The following GPHN variants were observed in gnomAD, a reference collection of about 807,000 sequenced individuals.
The protein encoded by GPHN is gephyrin.
GPHN carries 17 observed loss-of-function variants against 95.5 expected under a neutral mutation model. The ratio of observed to expected loss-of-function variants is 0.18; its 90% CI spans 0.12 to 0.27. The LOEUF is 0.27. Ranked by LOEUF, GPHN falls within the 10% of genes least tolerant of loss-of-function variation. GPHN has a pLI of 1.00. For missense variants in GPHN, 660 were observed against 978.1 expected (o/e 0.67, Z 4.34); for synonymous variants, 320 against 322.5 (o/e 0.99, Z 0.08).
intron 1 of GPHN, among the ~76,000 whole-genome samples, chr14:66,661,307 G>T (rs1357518334): frequency 6.6e-6 from 1 of 152,164 alleles, no homozygotes; most frequent in East Asian, 1.9e-4. Context: ...TTGCTGCTTG[G>T]ATAACTCAGC....
At chr14:66,938,350 G>A (rs1204555523) in intron 8 of GPHN, among the ~76,000 whole-genome samples, 1 of 152,022 alleles carries the variant, frequency 6.6e-6, no homozygotes, top group African/African-American at 2.4e-5. Flanking sequence ...TTAAAAAGAA[G>A]AAAAAGAGCT....
chr14:66,524,121 T>C (rs2058589856), intron 1 of GPHN, among the ~76,000 whole-genome samples: 1 of 152,150 alleles, frequency 6.6e-6, no homozygotes, highest in Admixed American at 6.6e-5. Context: ...CACATACATA[T>C]ATGTGGGTAC....
chr14:67,531,631 G>T, the GPHN span, among the ~76,000 whole-genome samples: 1 of 151,594 alleles, frequency 6.6e-6, no homozygotes, highest in African/African-American at 2.4e-5. Flanking sequence ...AATGAGTTCT[G>T]GGCCGAGGTG....
chr14:66,861,714 G>A (rs111953764), intron 4 of GPHN, among the ~76,000 whole-genome samples: 3,454 of 152,066 alleles, frequency 0.023, 53 homozygotes, highest in African/African-American at 0.04. Flanking sequence ...ATACAAACAC[G>A]TGGAAATTAA....
At chr14:67,679,213 C>T in the GPHN span, among the ~76,000 whole-genome samples, 10 of 152,086 alleles carry the variant, frequency 6.6e-5, no homozygotes, top group South Asian at 4.1e-4. Flanking sequence ...ATAATGAACC[C>T]GTTCCAGAGA....
intron 18 of GPHN, among the ~76,000 whole-genome samples, chr14:67,158,244 A>T (rs8005981): frequency 0.32 from 46,909 of 148,414 alleles, 11,545 homozygotes; most frequent in African/African-American, 0.67. Context: ...GAGGAGGAGG[A>T]TGCAGTGAGC....
the GPHN span, among the ~76,000 whole-genome samples, chr14:67,444,338 G>C: frequency 6.6e-6 from 1 of 152,192 alleles, no homozygotes; most frequent in African/African-American, 2.4e-5. Context: ...GGAGTTCACA[G>C]AAAGGAGCAT....
chr14:67,317,562 A>G, the GPHN span: 1 of 858,384 alleles, frequency 1.2e-6, no homozygotes, highest in Non-Finnish European at 1.8e-6. Context: ...AATGTTAAAT[A>G]TGTGCTTGAG....
At chr14:66,533,191 T>C (rs909679280) in intron 1 of GPHN, among the ~76,000 whole-genome samples, 3 of 152,260 alleles carry the variant, frequency 2.0e-5, no homozygotes, top group African/African-American at 4.8e-5. Flanking sequence ...ATTGTTCTAC[T>C]GGTGTGTAAG....
the GPHN span, among the ~76,000 whole-genome samples, chr14:67,235,053 G>A: frequency 6.6e-6 from 1 of 151,898 alleles, no homozygotes; most frequent in Non-Finnish European, 1.5e-5. Flanking sequence ...CTACTAGGGA[G>A]GCTGAGGCAG....
chr14:67,118,151 G>T (rs1380856799), intron 16 of GPHN, among the ~76,000 whole-genome samples: 2 of 152,168 alleles, frequency 1.3e-5, no homozygotes, highest in East Asian at 3.8e-4. Context: ...GAAAAAAAGA[G>T]AAGTTAGTTA....
Position 66,548,426 on chromosome 14 carries a change from C to G in GPHN, c.64+39835C>G, listed in dbSNP as rs113338657. Reference sequence around the variant, plus strand: ...GAACTCCTGACCTCAGATGATCCACCTGCCTCAGCCTCCCAAAGTGCTGGG... The same window carrying G: ...GAACTCCTGACCTCAGATGATCCACGTGCCTCAGCCTCCCAAAGTGCTGGG... On this transcript the variant is annotated intron_variant, in intron 1 of 22. Transcript: ENST00000478722. Among the ~76,000 whole-genome samples the G allele has an allele frequency of 3.6e-3, 552 of 152,294 alleles. 11 individuals carry two copies. Among genetic ancestry groups the G allele is most frequent in the African/African-American group, 0.013 (526 of 41,556 alleles).
At chr14:67,517,384 T>TA in the GPHN span, among the ~76,000 whole-genome samples, 1 of 152,204 alleles carries the variant, frequency 6.6e-6, no homozygotes, top group African/African-American at 2.4e-5. Flanking sequence ...TGAGGCACGG[T>TA]AGGCGCCGGG....
the GPHN span, among the ~76,000 whole-genome samples, chr14:67,625,842 TAAC>T: frequency 6.7e-6 from 1 of 150,350 alleles, no homozygotes; most frequent in African/African-American, 2.4e-5. Context: ...ATAAATAAAA[TAAC>T]AACCGTAAAA....
At chr14:67,616,042 A>G in the GPHN span, 1 of 304,786 alleles carries the variant, frequency 3.3e-6, no homozygotes, top group Non-Finnish European at 6.5e-6. Context: ...AAAGAAGAGG[A>G]AGAAGAGGGA....
chr14:67,676,280 C>T, the GPHN span, among the ~76,000 whole-genome samples: 5 of 152,136 alleles, frequency 3.3e-5, no homozygotes, highest in African/African-American at 1.2e-4. Flanking sequence ...AGATCAAGTT[C>T]ATTGGCTGTT....
intron 4 of GPHN, among the ~76,000 whole-genome samples, chr14:66,845,502 T>TA (rs1171949911): frequency 6.6e-6 from 1 of 152,036 alleles, no homozygotes; most frequent in Non-Finnish European, 1.5e-5. Context: ...AGTTAAATTT[T>TA]AAAAAAATAA....
chr14:66,729,455 T>A (rs1443786699), intron 2 of GPHN, among the ~76,000 whole-genome samples: 2 of 152,156 alleles, frequency 1.3e-5, no homozygotes, highest in Non-Finnish European at 2.9e-5. Flanking sequence ...ACAAGCTGGA[T>A]AAGTCATATA....
chr14:67,337,481 C>G, the GPHN span: 5 of 151,036 alleles, frequency 3.3e-5, no homozygotes, highest in Non-Finnish European at 7.4e-5. Context: ...CCACTGCACT[C>G]TAGCCTGGGC....
Sources: allele counts gnomAD v4.1 joint callset (sites outside exome capture counted in the v4.1 genomes callset), GRCh38; gene constraint gnomAD v4.1.1; transcripts MANE v1.5; gene names NCBI Gene and HGNC (gene_info 2026-07-23, HGNC 2026-07-21).